Variants in MGAT4C observed in about 807,000 individuals in gnomAD.
MGAT4C encodes alpha-1,3-mannosyl-glycoprotein 4-beta-N-acetylglucosaminyltransferase C.
A neutral mutation model predicts 40.1 loss-of-function variants in MGAT4C; 19 were observed. The ratio of observed to expected loss-of-function variants is 0.47; its 90% CI spans 0.33 to 0.70. The LOEUF (loss-of-function observed/expected upper bound fraction) is 0.70, where lower values mean the gene tolerates loss of function less well. Ranked by LOEUF, MGAT4C falls within the 30% of genes least tolerant of loss-of-function variation. The probability of loss-of-function intolerance (pLI) is 0.02; values close to 1 mark genes in which losing one functional copy is unlikely to be tolerated. For missense variants in MGAT4C, 491 were observed against 563.2 expected (o/e 0.87, Z 1.30); for synonymous variants, 181 against 187.1 (o/e 0.97, Z 0.27).
rs1398246049 is a variant in MGAT4C at position 86,211,404 on chromosome 12, T to C, written c.-57+44835A>G. Among the ~76,000 whole-genome samples, 4 of 5,642 alleles carry C rather than the reference T, an allele frequency of 7.1e-4. No individual in the cohort carries two copies. The East Asian group carries it at 0.018, about 25-fold the overall frequency. The allele number at this position is 5,642 out of a possible 152,430, so 3.7% of individuals were successfully genotyped here. Reference sequence around the variant, plus strand: ...AGTGAAACCCTGTCTCTACTACAAATACAAAAAAAAAAAAAAAAAAAAAAA... The same window carrying C: ...AGTGAAACCCTGTCTCTACTACAAACACAAAAAAAAAAAAAAAAAAAAAAA... On this transcript the variant is annotated intron_variant, in intron 1 of 4. Transcript: ENST00000611864.
intron 1 of MGAT4C, among the ~76,000 whole-genome samples, chr12:86,780,120 T>A (rs1951812816): frequency 6.6e-6 from 1 of 152,080 alleles, no homozygotes; most frequent in African/African-American, 2.4e-5. Context: ...ATAATCACAT[T>A]TTTTTAAATT....
Position 86,149,808 on chromosome 12 carries a change from G to A in MGAT4C, c.-56-100085C>T, listed in dbSNP as rs537109194. On this transcript the variant is annotated intron_variant, in intron 1 of 4. Coordinates refer to ENST00000611864, the MANE Select transcript of MGAT4C (RefSeq NM_001351288.2). ...TTATCTTCAAATACAACATTATGAA[G>A]AACTACCATGGTTCTCAATAAAGAG... Among the ~76,000 whole-genome samples the A allele has an allele frequency of 1.2e-4, 19 of 152,190 alleles. No individual in the cohort carries two copies. The South Asian group carries it at 3.9e-3, about 32-fold the overall frequency.
intron 2 of MGAT4C, among the ~76,000 whole-genome samples, chr12:86,021,115 C>T (rs374639981): frequency 2.1e-4 from 32 of 152,166 alleles, no homozygotes; most frequent in African/African-American, 5.5e-4. Flanking sequence ...TGTGGAGAAA[C>T]AGGAACACTT....
chr12:86,075,541 G>C (rs1869520983), intron 1 of MGAT4C, among the ~76,000 whole-genome samples: 1 of 152,182 alleles, frequency 6.6e-6, no homozygotes. Context: ...TGCCTCAATA[G>C]GGACTCTGTG....
intron 3 of MGAT4C, among the ~76,000 whole-genome samples, chr12:86,366,302 T>G (rs1344649602): frequency 6.6e-6 from 1 of 152,236 alleles, no homozygotes; most frequent in African/African-American, 2.4e-5. Context: ...TTAAGGTTTC[T>G]ATGTATAGAA....
At chr12:86,116,698 T>A (rs1299560900) in intron 1 of MGAT4C, among the ~76,000 whole-genome samples, 1 of 152,052 alleles carries the variant, frequency 6.6e-6, no homozygotes, top group Non-Finnish European at 1.5e-5. Context: ...GTCAGTCAAG[T>A]TGAGCAAGAT....
At chr12:85,993,174 T>C (rs747252529) in intron 2 of MGAT4C, among the ~76,000 whole-genome samples, 1 of 152,166 alleles carries the variant, frequency 6.6e-6, no homozygotes, top group Non-Finnish European at 1.5e-5. Context: ...TTAACCTAAG[T>C]AATTGAGCTC....
intron 1 of MGAT4C, among the ~76,000 whole-genome samples, chr12:86,735,323 A>T (rs1427554067): frequency 6.6e-6 from 1 of 151,860 alleles, no homozygotes; most frequent in East Asian, 2.0e-4. Flanking sequence ...TGATGATGGT[A>T]GCTGTTAAGG....
intron 2 of MGAT4C, among the ~76,000 whole-genome samples, chr12:86,034,081 C>G (rs1002782236): frequency 1.3e-5 from 2 of 149,802 alleles, no homozygotes; most frequent in African/African-American, 4.8e-5. Context: ...GTTGAACCAG[C>G]CTTGCATCCC....
At chr12:86,043,269 T>C (rs1335020304) in intron 2 of MGAT4C, among the ~76,000 whole-genome samples, 1 of 152,126 alleles carries the variant, frequency 6.6e-6, no homozygotes, top group Non-Finnish European at 1.5e-5. Context: ...AGTCCCACAA[T>C]AGGTCGTCTG....
chr12:86,522,484 G>C (rs1179923023), intron 2 of MGAT4C, among the ~76,000 whole-genome samples: 1 of 152,112 alleles, frequency 6.6e-6, no homozygotes, highest in African/African-American at 2.4e-5. Context: ...TTTTTGATGT[G>C]CTGCTGGATT....
At chr12:86,549,015 G>A (rs1959228594) in intron 2 of MGAT4C, among the ~76,000 whole-genome samples, 1 of 152,106 alleles carries the variant, frequency 6.6e-6, no homozygotes, top group Non-Finnish European at 1.5e-5. Flanking sequence ...CTACTTCACA[G>A]GGTAATACTG....
intron 2 of MGAT4C, among the ~76,000 whole-genome samples, chr12:86,445,875 T>C (rs557627153): frequency 6.6e-6 from 1 of 152,244 alleles, no homozygotes; most frequent in South Asian, 2.1e-4. Context: ...CTGATTATCT[T>C]TGGGGTAGAC....
chr12:86,465,215 CA>C (rs1392691302), intron 2 of MGAT4C, among the ~76,000 whole-genome samples: 1 of 151,960 alleles, frequency 6.6e-6, no homozygotes, highest in African/African-American at 2.4e-5. Flanking sequence ...ATACCCTTCA[CA>C]AAATTAATAA....
intron 1 of MGAT4C, among the ~76,000 whole-genome samples, chr12:86,075,357 C>T (rs909217472): frequency 6.6e-6 from 1 of 152,182 alleles, no homozygotes; most frequent in Non-Finnish European, 1.5e-5. Context: ...TTCCCATGGT[C>T]TTGGTCAGCT....
At chr12:86,716,211 C>G (rs140770167) in intron 2 of MGAT4C, among the ~76,000 whole-genome samples, 1 of 152,042 alleles carries the variant, frequency 6.6e-6, no homozygotes, top group Non-Finnish European at 1.5e-5. Flanking sequence ...AAACATTAAA[C>G]AGGACAAACT....
intron 1 of MGAT4C, among the ~76,000 whole-genome samples, chr12:86,784,395 G>A (rs1352615694): frequency 6.6e-6 from 1 of 151,816 alleles, no homozygotes; most frequent in Non-Finnish European, 1.5e-5. Flanking sequence ...TTGAGTATTG[G>A]GTTTAGCATA....
At position 85,956,156 on chromosome 12, in the gene MGAT4C, T is replaced by C. The variant is rs1882781008; in HGVS notation, c.*23133A>G. ...GTTTAATTGGATTTGTTTTTCAAATTTGGACATAACCTTCAACATTGTGTG... is the reference window on the plus strand; with the variant it reads ...GTTTAATTGGATTTGTTTTTCAAATCTGGACATAACCTTCAACATTGTGTG... On this transcript the variant is annotated 3_prime_UTR_variant, in exon 5 of 5. Coordinates refer to ENST00000611864, the MANE Select transcript of MGAT4C (RefSeq NM_001351288.2). 1 of 152,216 alleles carries C rather than the reference T, an allele frequency of 6.6e-6. No individual in the cohort carries two copies. Among genetic ancestry groups the C allele is most frequent in the African/African-American group, 2.4e-5 (1 of 41,462 alleles). The allele number at this position is 152,216 out of a possible 1,614,324, so 9.4% of individuals were successfully genotyped here. A position where few individuals can be genotyped will look rare whatever the true frequency, so the allele number is the denominator to read the frequency against.
intron 2 of MGAT4C, among the ~76,000 whole-genome samples, chr12:86,567,861 T>C (rs1960199663): frequency 6.6e-6 from 1 of 152,224 alleles, no homozygotes; most frequent in South Asian, 2.1e-4. Flanking sequence ...TTATTTCCTT[T>C]CTTTTTCTGA....
Sources: gnomAD v4.1 joint callset for allele counts (sites outside exome capture counted in the v4.1 genomes callset) on GRCh38, gnomAD v4.1.1 for gene constraint, MANE v1.5 for transcripts, NCBI Gene and HGNC (gene_info 2026-07-23, HGNC 2026-07-21) for gene names.